TXNL4A: variants seen among roughly 807,000 people sequenced by gnomAD.
The protein encoded by TXNL4A is thioredoxin-like protein 4A.
In TXNL4A, 17 loss-of-function variants were observed where a neutral mutation model predicts 14.6. The observed-to-expected ratio is 1.16, with a 90% CI of 0.80 to 1.74. The LOEUF is 1.74. TXNL4A is among the 40% of genes most tolerant of loss of function. The pLI is 0.00. For missense variants in TXNL4A, 74 were observed against 195.2 expected (o/e 0.38, Z 3.70); for synonymous variants, 83 against 70.6 (o/e 1.18, Z -0.88).
intron 1 of TXNL4A, among the ~76,000 whole-genome samples, chr18:80,029,743 C>T (rs1353862511): frequency 6.6e-6 from 1 of 152,194 alleles, no homozygotes; most frequent in Admixed American, 6.5e-5. Context: ...CTCCAATCCA[C>T]CCCTTTTGGA....
chr18:80,002,505 C>T (rs749974911), intron 1 of TXNL4A, among the ~76,000 whole-genome samples: 7 of 152,170 alleles, frequency 4.6e-5, no homozygotes, highest in Non-Finnish European at 8.8e-5. Flanking sequence ...AAGGCCGTGT[C>T]CCTCAAGGCT....
chr18:79,989,661 A>G (rs2051611002), upstream of TXNL4A, among the ~76,000 whole-genome samples: 2 of 152,184 alleles, frequency 1.3e-5, no homozygotes, highest in African/African-American at 4.8e-5. Flanking sequence ...ACTCTTGTCT[A>G]CTATCTAGCT....
chr18:79,975,146 C>T (rs374485338), intron 2 of TXNL4A, among the ~76,000 whole-genome samples: 178 of 152,230 alleles, frequency 1.2e-3, no homozygotes, highest in African/African-American at 3.2e-3. Context: ...GGGTGTACTT[C>T]TTCGGTATTT....
chr18:79,973,984 G>A (rs563206491), intron 2 of TXNL4A, 128 bp from the exon 3 acceptor site: 6 of 1,253,068 alleles, frequency 4.8e-6, no homozygotes, highest in South Asian at 1.5e-5. Context: ...GCATAAAATC[G>A]AGAGTGTATG....
upstream of TXNL4A, chr18:79,988,633 CAT>C: frequency 2.8e-6 from 1 of 352,240 alleles, no homozygotes; most frequent in Middle Eastern, 7.7e-4. Context: ...GTGCTGACGG[CAT>C]GTGCGTATAG....
intron 1 of TXNL4A, among the ~76,000 whole-genome samples, chr18:79,999,078 C>G (rs1036137159): frequency 6.6e-6 from 1 of 152,162 alleles, no homozygotes; most frequent in Admixed American, 6.5e-5. Flanking sequence ...GTTGACTGCC[C>G]TGACCCGAGC....
intron 1 of TXNL4A, among the ~76,000 whole-genome samples, chr18:80,021,084 G>C (rs1315311850): frequency 5.3e-5 from 8 of 152,188 alleles, no homozygotes; most frequent in Non-Finnish European, 8.8e-5. Context: ...AAAACTCAGA[G>C]AGATTTTTTG....
chr18:79,985,102 T>C lies in TXNL4A; in HGVS notation c.153+3138A>G, dbSNP rs956436872. ...AATGGAAAGATAGCTCAAAGGTACA[T>C]GAAATTGTCTCCTGTGATGGTGTTC... On this transcript the variant is annotated intron_variant, in intron 1 of 2. Coordinates refer to ENST00000269601, the MANE Select transcript of TXNL4A (RefSeq NM_006701.5). Among the ~76,000 whole-genome samples, 4 of 151,862 alleles carry C rather than the reference T, an allele frequency of 2.6e-5. 1 individual carries two copies. The highest frequency in any genetic ancestry group is 7.3e-5 in the African/African-American group (3 of 41,272).
At chr18:80,009,488 C>T (rs573283156) in intron 1 of TXNL4A, among the ~76,000 whole-genome samples, 89 of 152,302 alleles carry the variant, frequency 5.8e-4, no homozygotes, top group African/African-American at 2.0e-3. Context: ...GGGACACCAA[C>T]AGGGCTGTTA....
At chr18:80,026,582 T>C (rs2051886100) in intron 1 of TXNL4A, among the ~76,000 whole-genome samples, 1 of 152,318 alleles carries the variant, frequency 6.6e-6, no homozygotes, top group South Asian at 2.1e-4. Context: ...TCCCAGCTTA[T>C]TTAGAAACCC....
chr18:79,988,182 G>C, intron 1 of TXNL4A, 58 bp downstream of exon 1: 2 of 1,405,372 alleles, frequency 1.4e-6, no homozygotes, highest in Non-Finnish European at 1.9e-6. Flanking sequence ...CGGCAGGGCA[G>C]AGGCGCGGGG....
At chr18:80,033,730 C>G (rs1237939828) in intron 1 of TXNL4A, 1 of 153,730 alleles carries the variant, frequency 6.5e-6, no homozygotes, top group Non-Finnish European at 1.5e-5. Context: ...CACGCTTCCC[C>G]GAGTGGCACA....
intron 1 of TXNL4A, among the ~76,000 whole-genome samples, chr18:80,014,843 G>A (rs1358011896): frequency 6.6e-6 from 1 of 152,202 alleles, no homozygotes; most frequent in African/African-American, 2.4e-5. Context: ...GCAAACTTTT[G>A]TCTGGGCATC....
intron 2 of TXNL4A, among the ~76,000 whole-genome samples, chr18:79,975,226 C>A (rs945871726): frequency 6.6e-6 from 1 of 152,224 alleles, no homozygotes; most frequent in East Asian, 1.9e-4. Flanking sequence ...CTGTTTCTAT[C>A]AGACAACGTC....
At chr18:79,999,628 T>C (rs1599740381) in intron 1 of TXNL4A, among the ~76,000 whole-genome samples, 1 of 151,440 alleles carries the variant, frequency 6.6e-6, no homozygotes, top group Admixed American at 6.6e-5. Context: ...ACCACAGAAG[T>C]TCAGGGTAAC....
At chr18:80,030,011 A>G (rs760090361) in intron 1 of TXNL4A, among the ~76,000 whole-genome samples, 1 of 152,194 alleles carries the variant, frequency 6.6e-6, no homozygotes, top group Non-Finnish European at 1.5e-5. Context: ...CCCCAATGGA[A>G]GGGCCCACAC....
At chr18:79,989,143 GA>G (rs1340649398), upstream of TXNL4A, among the ~76,000 whole-genome samples, 3 of 152,006 alleles carry the variant, frequency 2.0e-5, no homozygotes, top group African/African-American at 2.4e-5. Flanking sequence ...TTTTTATAAA[GA>G]AAAAAAATTT....
chr18:79,981,937 C>T (rs2051470629), intron 1 of TXNL4A, among the ~76,000 whole-genome samples: 1 of 139,468 alleles, frequency 7.2e-6, no homozygotes, highest in East Asian at 2.2e-4. Flanking sequence ...TTCAACACCT[C>T]TAAATAGATG....
At chr18:79,983,826 T>A (rs1268067630) in intron 1 of TXNL4A, among the ~76,000 whole-genome samples, 1 of 152,178 alleles carries the variant, frequency 6.6e-6, no homozygotes, top group Non-Finnish European at 1.5e-5. Context: ...CACAACCCTA[T>A]GAGTGAGGCA....
Sources: gnomAD v4.1 joint callset for allele counts (sites outside exome capture counted in the v4.1 genomes callset) on GRCh38, gnomAD v4.1.1 for gene constraint, MANE v1.5 for transcripts, NCBI Gene and HGNC (gene_info 2026-07-23, HGNC 2026-07-21) for gene names.